ARRB1: variants seen among roughly 807,000 people sequenced by gnomAD.
ARRB1 encodes the protein arrestin beta 1.
ARRB1 carries 21 observed loss-of-function variants against 56.8 expected under a neutral mutation model. That is an observed-to-expected ratio of 0.37 (90% CI 0.26 to 0.53). The LOEUF is 0.53. Among genes scored for constraint, ARRB1 ranks in the 20% least tolerant of loss-of-function variants. The pLI, the probability that ARRB1 is intolerant of heterozygous loss-of-function variation, is 0.88. For synonymous variants in ARRB1, 210 were observed against 218.6 expected (o/e 0.96, Z 0.35); for missense variants, 424 against 553.7 (o/e 0.77, Z 2.35).
At chr11:75,331,299 C>T (rs2140507665) in intron 1 of ARRB1, among the ~76,000 whole-genome samples, 2 of 152,332 alleles carry the variant, frequency 1.3e-5, no homozygotes, top group African/African-American at 4.8e-5. Context: ...GGGTGACCCA[C>T]CATGCCTGGC....
At position 75,268,899 on chromosome 11, in the gene ARRB1, C is replaced by T. The variant is rs760045129; in HGVS notation, c.1083G>A (p.Pro361=). Residue 361 remains proline (P), a synonymous_variant, in exon 14 of 16, where the codon CCG becomes CCA. Coordinates refer to ENST00000420843, the MANE Select transcript of ARRB1 (RefSeq NM_004041.5). ...ACAGATTCTGCTCACCTTCCCGATGCGGGGGTTCCTCTTTGGGCTTGGGGT... is the reference window on the plus strand; with the variant it reads ...ACAGATTCTGCTCACCTTCCCGATGTGGGGGTTCCTCTTTGGGCTTGGGGT... ...LMHPKPKEEP[P]HREVPENETP... 2.3e-5 allele frequency: 37 copies of T among 1,608,622 alleles called. No homozygotes were observed. Among genetic ancestry groups the T allele is most frequent in the South Asian group, 3.3e-5 (3 of 90,324 alleles).
chr11:75,304,780 C>G (rs951893078), intron 1 of ARRB1, among the ~76,000 whole-genome samples: 57 of 151,824 alleles, frequency 3.8e-4, no homozygotes, highest in African/African-American at 1.4e-3. Context: ...GCTGAGAAAC[C>G]CTGCTTGGAG....
chr11:75,284,967 T>G (rs1471608962), intron 3 of ARRB1, among the ~76,000 whole-genome samples: 1 of 152,182 alleles, frequency 6.6e-6, no homozygotes. Context: ...TGTAATGACC[T>G]CTGCAAGATC....
At chr11:75,305,018 C>CTTTTTTTTTTTTTTTTTTTTTTTT (rs35323331) in intron 1 of ARRB1, among the ~76,000 whole-genome samples, 13 of 86,730 alleles carry the variant, frequency 1.5e-4, no homozygotes, top group Non-Finnish European at 2.9e-4. Context: ...TTCTTTCTTT[C>CTTTTTTTTTTTTTTTTTTTTTTTT]TTTTTTTTTT....
At chr11:75,304,077 T>C (rs1180236404) in intron 1 of ARRB1, among the ~76,000 whole-genome samples, 1 of 152,120 alleles carries the variant, frequency 6.6e-6, no homozygotes, top group African/African-American at 2.4e-5. Context: ...GGGAACCCAT[T>C]AGCTATAGGG....
chr11:75,300,219 A>AAAG (rs1554977365), intron 1 of ARRB1, among the ~76,000 whole-genome samples: 7 of 140,252 alleles, frequency 5.0e-5, no homozygotes, highest in East Asian at 2.0e-4. Context: ...AAAAAAAAAA[A>AAAG]AAAGAAAGAA....
intron 7 of ARRB1, 35 bp from the exon 8 acceptor site, chr11:75,278,779 G>C: frequency 3.2e-6 from 5 of 1,577,060 alleles, no homozygotes; most frequent in Non-Finnish European, 4.3e-6. Context: ...GAGGACCAGG[G>C]TCACCTGCCT....
intron 1 of ARRB1, among the ~76,000 whole-genome samples, chr11:75,350,552 C>T (rs1277129105): frequency 6.6e-6 from 1 of 152,152 alleles, no homozygotes; most frequent in Non-Finnish European, 1.5e-5. Context: ...AAGGGCTGCC[C>T]CCAGGGGCTG....
intron 1 of ARRB1, among the ~76,000 whole-genome samples, chr11:75,291,155 G>A (rs34796507): frequency 0.074 from 11,219 of 152,082 alleles, 485 homozygotes; most frequent in South Asian, 0.089. Flanking sequence ...TAACTAATGT[G>A]GTGAAACCCC....
chr11:75,284,105 G>T, intron 4 of ARRB1, 130 bp downstream of exon 4: 1 of 923,926 alleles, frequency 1.1e-6, no homozygotes, highest in South Asian at 2.3e-5. Flanking sequence ...AGGAGGCAAC[G>T]GCATCTGTAG....
chr11:75,287,424 C>T (rs751397001), intron 2 of ARRB1, 49 bp from the exon 3 acceptor site: 3 of 1,539,772 alleles, frequency 1.9e-6, no homozygotes, highest in Non-Finnish European at 2.6e-6. Flanking sequence ...GCCCAGAGGA[C>T]ACAGGACCCT....
intron 1 of ARRB1, among the ~76,000 whole-genome samples, chr11:75,312,863 C>T (rs578230265): frequency 2.6e-4 from 40 of 152,330 alleles, no homozygotes; most frequent in African/African-American, 5.5e-4. Context: ...AATGGATCCC[C>T]GCTAGAGTTT....
At position 75,350,079 on chromosome 11, in the gene ARRB1, A is replaced by G. The variant is rs756038281; in HGVS notation, c.20+1509T>C. On this transcript the variant is annotated intron_variant, in intron 1 of 15. Coordinates refer to ENST00000420843, the MANE Select transcript of ARRB1 (RefSeq NM_004041.5). The stretch of plus-strand genomic sequence containing the variant: ...GCTGTCAGGAGGATGGCTGGAAAGT[A>G]GTTTCTAAACATTAAGAGCCTGAGT... Among the ~76,000 whole-genome samples the G allele has an allele frequency of 6.6e-5, 10 of 152,374 alleles. 1 individual carries two copies. In the South Asian group the frequency reaches 1.9e-3, roughly 28 times the overall value.
intron 3 of ARRB1, among the ~76,000 whole-genome samples, chr11:75,286,255 CTTTTTT>C (rs60988072): frequency 2.8e-4 from 11 of 38,678 alleles, no homozygotes; most frequent in Admixed American, 1.5e-3. Flanking sequence ...ATTTGCTCAT[CTTTTTT>C]TTTTTTTTTT....
chr11:75,349,814 C>T (rs896203030), intron 1 of ARRB1, among the ~76,000 whole-genome samples: 1 of 152,234 alleles, frequency 6.6e-6, no homozygotes, highest in Non-Finnish European at 1.5e-5. Context: ...TTCATGCAGA[C>T]ACAGCATGAT....
intron 3 of ARRB1, among the ~76,000 whole-genome samples, chr11:75,286,829 G>A (rs932326112): frequency 3.3e-5 from 5 of 152,278 alleles, no homozygotes; most frequent in African/African-American, 1.2e-4. Flanking sequence ...GTCCTAAGAA[G>A]GGTTCTCCCT....
intron 1 of ARRB1, chr11:75,306,749 G>C: frequency 9.0e-7 from 1 of 1,108,614 alleles, no homozygotes. Flanking sequence ...AAAAGGAAAA[G>C]GCGTTCCTGA....
At chr11:75,348,237 C>T (rs574610314) in intron 1 of ARRB1, among the ~76,000 whole-genome samples, 2 of 152,324 alleles carry the variant, frequency 1.3e-5, no homozygotes, top group African/African-American at 4.8e-5. Context: ...ACATTCTGCA[C>T]CCTTGGCCAG....
chr11:75,269,087 C>T lies in ARRB1; in HGVS notation c.1023-128G>A, dbSNP rs540462061. ...TCAGAGGAGGTAGATCCAAAAGATG[C>T]CCTCCAGCCCCAGTTCTGCCACTCG... On this transcript the variant is annotated intron_variant, in intron 13 of 15. Coordinates refer to ENST00000420843, the MANE Select transcript of ARRB1 (RefSeq NM_004041.5). 2.0e-3 allele frequency: 1,900 copies of T among 971,034 alleles called. 31 individuals carry two copies. The South Asian group carries it at 0.023, about 12-fold the overall frequency. 60.2% of individuals were successfully genotyped at this position (971,034 alleles called of 1,614,324 possible). A position where few individuals can be genotyped will look rare whatever the true frequency, so the allele number is the denominator to read the frequency against.
Sources: allele counts gnomAD v4.1 joint callset (sites outside exome capture counted in the v4.1 genomes callset), GRCh38; gene constraint gnomAD v4.1.1; transcripts MANE v1.5; gene names NCBI Gene and HGNC (gene_info 2026-07-23, HGNC 2026-07-21).